The following DLG2 variants were observed in gnomAD, a reference collection of about 807,000 sequenced individuals.
DLG2 encodes disks large homolog 2.
In DLG2, 45 loss-of-function variants were observed where a neutral mutation model predicts 132.5. The observed-to-expected ratio is 0.34, with a 90% CI of 0.27 to 0.44. The LOEUF (loss-of-function observed/expected upper bound fraction) is 0.44, where lower values mean the gene tolerates loss of function less well. Among genes scored for constraint, DLG2 ranks in the 20% least tolerant of loss-of-function variants. DLG2 has a pLI of 1.00. For missense variants in DLG2, 1,045 were observed against 1,196.9 expected, an observed-to-expected ratio of 0.87 and a Z score of 1.87; for synonymous variants, 424 against 419.6, an observed-to-expected ratio of 1.01 and a Z score of -0.13.
chr11:83,484,836 TAC>T (rs1443561189), intron 21 of DLG2, among the ~76,000 whole-genome samples: 2 of 152,144 alleles, frequency 1.3e-5, no homozygotes, highest in Non-Finnish European at 2.9e-5. Context: ...ATGGTATAAT[TAC>T]AGACTGACAC....
chr11:84,570,848 A>T (rs1377487163), intron 6 of DLG2, among the ~76,000 whole-genome samples: 3 of 152,174 alleles, frequency 2.0e-5, no homozygotes, highest in Non-Finnish European at 4.4e-5. Context: ...TGTCAAAAAA[A>T]TTTCCTCTGC....
Position 85,606,415 on chromosome 11 carries a change from G to A in DLG2, c.-92-7627C>T, listed in dbSNP as rs1472181435. On this transcript the variant is annotated intron_variant, in intron 2 of 27. Coordinates refer to ENST00000376104, the MANE Select transcript of DLG2 (RefSeq NM_001142699.3). Reference sequence around the variant, plus strand: ...TAAAGGATTGTAAATGCACCAATCAGTGCTCTGTGTCTAGCTAAAGGTTTG... The same window carrying A: ...TAAAGGATTGTAAATGCACCAATCAATGCTCTGTGTCTAGCTAAAGGTTTG... 2.0e-5 allele frequency among the ~76,000 whole-genome samples: 3 copies of A among 152,174 alleles called. No individual in the cohort carries two copies. The East Asian group carries it at 5.8e-4, about 29-fold the overall frequency.
intron 7 of DLG2, among the ~76,000 whole-genome samples, chr11:84,290,485 T>C (rs1320493674): frequency 1.3e-5 from 2 of 152,146 alleles, no homozygotes; most frequent in Non-Finnish European, 1.5e-5. Context: ...CTTCTGAGAC[T>C]CAAATACAAA....
At chr11:83,987,949 G>A (rs2093444976) in intron 11 of DLG2, among the ~76,000 whole-genome samples, 1 of 152,026 alleles carries the variant, frequency 6.6e-6, no homozygotes, top group Non-Finnish European at 1.5e-5. Context: ...TGAGAAGTGT[G>A]TTTATGTTCT....
chr11:83,737,777 C>A (rs975360477), intron 18 of DLG2, among the ~76,000 whole-genome samples: 1 of 152,148 alleles, frequency 6.6e-6, no homozygotes, highest in African/African-American at 2.4e-5. Context: ...CACTGTGAAA[C>A]CCCAATTCTA....
intron 11 of DLG2, among the ~76,000 whole-genome samples, chr11:84,042,393 C>T (rs952009607): frequency 1.3e-5 from 2 of 151,612 alleles, no homozygotes; most frequent in African/African-American, 2.4e-5. Flanking sequence ...ATTTTCCTTG[C>T]TATTATTGCT....
At chr11:84,860,636 A>G (rs2083474265) in intron 6 of DLG2, among the ~76,000 whole-genome samples, 1 of 152,128 alleles carries the variant, frequency 6.6e-6, no homozygotes, top group South Asian at 2.1e-4. Flanking sequence ...TGTCTGTAAA[A>G]TAATAATAAA....
At chr11:84,634,159 T>C (rs1274857678) in intron 6 of DLG2, among the ~76,000 whole-genome samples, 2 of 152,186 alleles carry the variant, frequency 1.3e-5, no homozygotes, top group Non-Finnish European at 2.9e-5. Context: ...TTGAGATCTT[T>C]GTTTCTAACC....
At chr11:85,543,186 C>T (rs931210613) in intron 3 of DLG2, among the ~76,000 whole-genome samples, 9 of 152,066 alleles carry the variant, frequency 5.9e-5, no homozygotes, top group African/African-American at 2.2e-4. Context: ...CCTCCCTGTG[C>T]CCATTTGTTC....
At chr11:83,982,081 C>T (rs2092829023) in intron 11 of DLG2, among the ~76,000 whole-genome samples, 1 of 152,146 alleles carries the variant, frequency 6.6e-6, no homozygotes. Context: ...AATGAACCTA[C>T]TGCATTTCTA....
chr11:83,728,933 T>C (rs1343259264), intron 18 of DLG2, among the ~76,000 whole-genome samples: 1 of 152,244 alleles, frequency 6.6e-6, no homozygotes, highest in African/African-American at 2.4e-5. Flanking sequence ...AATATTGTTG[T>C]CCTGTTTTAT....
chr11:84,205,109 G>A (rs776124511), intron 8 of DLG2, among the ~76,000 whole-genome samples: 24 of 152,296 alleles, frequency 1.6e-4, no homozygotes, highest in Non-Finnish European at 4.4e-5. Flanking sequence ...TAAAGGAGAT[G>A]ATGTAGACTG....
chr11:84,375,867 C>T (rs1402677293), intron 7 of DLG2, among the ~76,000 whole-genome samples: 2 of 151,996 alleles, frequency 1.3e-5, no homozygotes, highest in Non-Finnish European at 2.9e-5. Context: ...GGTTGTTGAA[C>T]ACATTATTGC....
chr11:85,418,865 T>C (rs1307917996), intron 3 of DLG2, among the ~76,000 whole-genome samples: 1 of 152,184 alleles, frequency 6.6e-6, no homozygotes, highest in East Asian at 1.9e-4. Context: ...AGCACACTGA[T>C]GGGTCTTGGC....
At chr11:85,322,598 T>G (rs2081154085) in intron 3 of DLG2, among the ~76,000 whole-genome samples, 2 of 152,108 alleles carry the variant, frequency 1.3e-5, no homozygotes, top group African/African-American at 4.8e-5. Flanking sequence ...CTTAAACCTC[T>G]CTTATTACTT....
In DLG2 at chr11:84,590,146, A is replaced by T. The variant is rs77633424; in HGVS notation, c.358-55415T>A. Among the ~76,000 whole-genome samples the T allele has an allele frequency of 3.9e-3, 599 of 152,276 alleles. 3 individuals are homozygous for T. The highest frequency in any genetic ancestry group is 0.013 in the African/African-American group (551 of 41,562). On this transcript the variant is annotated intron_variant, in intron 6 of 27. Transcript: ENST00000376104. ...AGTAAGCATCTAGGTTTGCATTTAC[A>T]CTTGCTGTCACACATAACAATCACT...
At chr11:84,674,842 G>A (rs1380671279) in intron 6 of DLG2, among the ~76,000 whole-genome samples, 1 of 151,986 alleles carries the variant, frequency 6.6e-6, no homozygotes, top group Non-Finnish European at 1.5e-5. Context: ...TTCCTTACAT[G>A]GGCTCATCTT....
chr11:84,529,013 C>T (rs2099329007), intron 7 of DLG2, among the ~76,000 whole-genome samples: 1 of 152,172 alleles, frequency 6.6e-6, no homozygotes, highest in Non-Finnish European at 1.5e-5. Context: ...TGAAATCAGC[C>T]AGGCTGGGAA....
chr11:83,912,131 C>CA (rs761346076), intron 15 of DLG2, among the ~76,000 whole-genome samples: 1 of 147,224 alleles, frequency 6.8e-6, no homozygotes, highest in African/African-American at 2.5e-5. Context: ...AAAAAGAAAA[C>CA]AAAGAAAAAA....
Sources: gnomAD v4.1 joint callset for allele counts (sites outside exome capture counted in the v4.1 genomes callset) on GRCh38, gnomAD v4.1.1 for gene constraint, MANE v1.5 for transcripts, NCBI Gene and HGNC (gene_info 2026-07-23, HGNC 2026-07-21) for gene names.